The following CCSER1 variants were observed in gnomAD, a reference collection of about 807,000 sequenced individuals.
CCSER1 encodes coiled-coil serine rich protein 1.
In CCSER1, 41 loss-of-function variants were observed where a neutral mutation model predicts 82.0. The observed-to-expected ratio is 0.50, with a 90% CI of 0.39 to 0.65. The LOEUF (loss-of-function observed/expected upper bound fraction) is 0.65. Among genes scored for constraint, CCSER1 ranks in the 30% least tolerant of loss-of-function variants. The pLI is 0.00. For missense variants in CCSER1, 1,119 were observed against 1,064.2 expected, an observed-to-expected ratio of 1.05 and a Z score of -0.72; for synonymous variants, 414 against 383.9, an observed-to-expected ratio of 1.08 and a Z score of -0.92.
intron 10 of CCSER1, among the ~76,000 whole-genome samples, chr4:91,302,685 G>A (rs995314995): frequency 1.3e-5 from 2 of 151,760 alleles, no homozygotes; most frequent in Admixed American, 6.6e-5. Context: ...TTACTTCTCT[G>A]ACTTCCAGCC....
At chr4:91,591,271 G>A (rs1764257394) in intron 10 of CCSER1, among the ~76,000 whole-genome samples, 2 of 152,008 alleles carry the variant, frequency 1.3e-5, no homozygotes, top group Admixed American at 1.3e-4. Context: ...ATTTTATTCA[G>A]TGAGTAATAA....
At chr4:90,445,105 G>C (rs28643297) in intron 4 of CCSER1, among the ~76,000 whole-genome samples, 457 of 151,996 alleles carry the variant, frequency 3.0e-3, no homozygotes, top group African/African-American at 0.011. Context: ...AAAGACTTGG[G>C]TTCCTTGCCT....
chr4:90,809,170 A>AG (rs59808283), intron 7 of CCSER1, among the ~76,000 whole-genome samples: 49,947 of 150,094 alleles, frequency 0.33, 8,310 homozygotes, highest in East Asian at 0.41. Context: ...CACACACACA[A>AG]TTAGCTAGGC....
chr4:90,359,610 C>A (rs994363538), intron 3 of CCSER1, among the ~76,000 whole-genome samples: 2 of 151,638 alleles, frequency 1.3e-5, no homozygotes, highest in African/African-American at 4.8e-5. Context: ...TGATGGTGGG[C>A]ACCTGTAATC....
intron 5 of CCSER1, among the ~76,000 whole-genome samples, chr4:90,568,834 G>T (rs1779752065): frequency 6.7e-6 from 1 of 148,478 alleles, no homozygotes; most frequent in Non-Finnish European, 1.5e-5. Context: ...ACCGTGCCGT[G>T]TCGGCTCACT....
At chr4:90,992,845 G>C (rs542753254) in intron 9 of CCSER1, among the ~76,000 whole-genome samples, 3 of 151,904 alleles carry the variant, frequency 2.0e-5, no homozygotes, top group Non-Finnish European at 2.9e-5. Flanking sequence ...GACCACAGAC[G>C]ATAGGTGCTA....
At chr4:90,344,738 A>G (rs933951934) in intron 3 of CCSER1, among the ~76,000 whole-genome samples, 1 of 152,108 alleles carries the variant, frequency 6.6e-6, no homozygotes, top group African/African-American at 2.4e-5. Context: ...ATCTGCCCTC[A>G]TGCCAGGTAT....
intron 4 of CCSER1, among the ~76,000 whole-genome samples, chr4:90,400,843 T>A (rs1288167998): frequency 6.6e-6 from 1 of 152,146 alleles, no homozygotes; most frequent in East Asian, 1.9e-4. Context: ...TTACACTTAA[T>A]TTTTTTGTTG....
intron 1 of CCSER1, among the ~76,000 whole-genome samples, chr4:90,217,887 C>T (rs1418443832): frequency 6.6e-6 from 1 of 152,078 alleles, no homozygotes; most frequent in Non-Finnish European, 1.5e-5. Context: ...CCTTGACCTC[C>T]CAGGCTCAAG....
At chr4:91,315,150 A>AGTGT (rs67135461) in intron 10 of CCSER1, among the ~76,000 whole-genome samples, 61 of 149,680 alleles carry the variant, frequency 4.1e-4, no homozygotes, top group African/African-American at 1.4e-3. Context: ...CGTGTGTGCA[A>AGTGT]GTGTGTGTGT....
At chr4:91,570,382 T>G (rs951966082) in intron 10 of CCSER1, among the ~76,000 whole-genome samples, 3 of 152,222 alleles carry the variant, frequency 2.0e-5, no homozygotes, top group Non-Finnish European at 4.4e-5. Flanking sequence ...ACCCCACATT[T>G]CACTTCTGCA....
chr4:91,007,984 T>A (rs1336984198), intron 9 of CCSER1, among the ~76,000 whole-genome samples: 1 of 152,130 alleles, frequency 6.6e-6, no homozygotes, highest in East Asian at 1.9e-4. Flanking sequence ...TGCTTTTAAT[T>A]TCTTAGTTGA....
chr4:90,627,745 C>G (rs1039027515), intron 5 of CCSER1, among the ~76,000 whole-genome samples: 1 of 151,912 alleles, frequency 6.6e-6, no homozygotes, highest in Non-Finnish European at 1.5e-5. Context: ...CTTTGAGAGG[C>G]CAAGGCAGGC....
chr4:91,514,024 T>C (rs1759968128), intron 10 of CCSER1, among the ~76,000 whole-genome samples: 1 of 152,132 alleles, frequency 6.6e-6, no homozygotes. Context: ...TTCTTGTTTT[T>C]CCATTTCCTC....
chr4:90,646,224 A>G (rs1221823362), intron 6 of CCSER1, among the ~76,000 whole-genome samples: 1 of 152,086 alleles, frequency 6.6e-6, no homozygotes, highest in Admixed American at 6.6e-5. Context: ...ATTTTGGGGG[A>G]AAAATAATCA....
At chr4:91,171,550 A>G (rs1226969639) in intron 10 of CCSER1, among the ~76,000 whole-genome samples, 1 of 152,184 alleles carries the variant, frequency 6.6e-6, no homozygotes, top group African/African-American at 2.4e-5. Context: ...CATACTCAAC[A>G]TATAAATACA....
At chr4:91,120,509 A>G (rs1319231857) in intron 10 of CCSER1, among the ~76,000 whole-genome samples, 2 of 152,030 alleles carry the variant, frequency 1.3e-5, no homozygotes, top group African/African-American at 2.4e-5. Context: ...GGCTAACTGT[A>G]TAAGAATAAG....
intron 7 of CCSER1, among the ~76,000 whole-genome samples, chr4:90,784,756 A>G (rs1379142498): frequency 6.6e-6 from 1 of 152,204 alleles, no homozygotes; most frequent in African/African-American, 2.4e-5. Context: ...CTAACAGTCT[A>G]CTGTTGACTA....
Position 90,860,534 on chromosome 4 carries a change from T to C in CCSER1, c.2094+44689T>C, listed in dbSNP as rs182876155. On this transcript the variant is annotated intron_variant, in intron 8 of 10. Transcript: ENST00000509176. ...GATGCAATATCTACTCCTCGGTCTATACCCAAGATAAGTAAAAATATATGT... is the reference window on the plus strand; with the variant it reads ...GATGCAATATCTACTCCTCGGTCTACACCCAAGATAAGTAAAAATATATGT... Among the ~76,000 whole-genome samples, 5 of 151,824 alleles carry C rather than the reference T, an allele frequency of 3.3e-5. No homozygotes were observed. The East Asian group carries it at 7.7e-4, about 24-fold the overall frequency.
Sources: allele counts gnomAD v4.1 joint callset (sites outside exome capture counted in the v4.1 genomes callset), GRCh38; gene constraint gnomAD v4.1.1; transcripts MANE v1.5; gene names NCBI Gene and HGNC (gene_info 2026-07-23, HGNC 2026-07-21).